Variants in DNASE1 observed in about 807,000 individuals in gnomAD.
DNASE1 encodes deoxyribonuclease-1.
Under a neutral mutation model 33.9 loss-of-function variants are expected in DNASE1, and 40 were observed. The ratio of observed to expected loss-of-function variants is 1.18; its 90% CI spans 0.92 to 1.54. The LOEUF is 1.54. DNASE1 is among the 40% of genes most tolerant of loss of function. The pLI is 0.00. For missense variants in DNASE1, 518 were observed against 372.6 expected (o/e 1.39, Z -3.21); for synonymous variants, 216 against 160.0 (o/e 1.35, Z -2.64).
upstream of DNASE1, among the ~76,000 whole-genome samples, chr16:3,638,116 T>A (rs568527824): frequency 2.4e-4 from 36 of 151,146 alleles, no homozygotes; most frequent in Admixed American, 1.6e-3. Context: ...TGTGTGTGTG[T>A]GTGTGTGTGT....
chr16:3,657,281 A>G lies in DNASE1; in HGVS notation c.644A>G (p.Gln215Arg), dbSNP rs2042727922. 1.2e-6 allele frequency: 2 copies of G among 1,613,862 alleles called. No individual in the cohort carries two copies. ...SIRLWTSPTFQWLIPDSADTT... is the reference protein window; with the variant it reads ...SIRLWTSPTFRWLIPDSADTT... ...CGCCTGTGGACAAGCCCCACCTTCC[A>G]GTGGCTGATCCCCGACAGCGCTGAC... The change falls in exon 7 of 9, where the codon CAG becomes CGG. Residue 215 changes from glutamine (Q) to arginine (R), a missense_variant. Gln to Arg is a conservative substitution (Grantham distance 43). Transcript: ENST00000246949.
At chr16:3,617,377 A>G (rs1007738637) in intron 1 of DNASE1, among the ~76,000 whole-genome samples, 2 of 149,620 alleles carry the variant, frequency 1.3e-5, no homozygotes, top group Non-Finnish European at 3.0e-5. Flanking sequence ...GTAAATCTTT[A>G]TGACCTTGGA....
chr16:3,649,280 C>T (rs770320353), intron 1 of DNASE1, among the ~76,000 whole-genome samples: 9 of 152,182 alleles, frequency 5.9e-5, no homozygotes, highest in East Asian at 1.9e-4. Flanking sequence ...CTAAAGAGAG[C>T]CTTCTCGAGC....
chr16:3,619,519 G>A (rs1352177322), intron 1 of DNASE1, among the ~76,000 whole-genome samples: 3 of 151,576 alleles, frequency 2.0e-5, no homozygotes, highest in African/African-American at 4.8e-5. Context: ...CCGCCACCAC[G>A]CCTAGCTCCA....
chr16:3,635,229 A>G (rs2041831431), intron 1 of DNASE1, among the ~76,000 whole-genome samples: 4 of 152,076 alleles, frequency 2.6e-5, no homozygotes, highest in Admixed American at 2.6e-4. Context: ...AGGCTGAGGC[A>G]GATGGATCGC....
intron 1 of DNASE1, among the ~76,000 whole-genome samples, chr16:3,647,859 A>ATT (rs200018796): frequency 2.0e-5 from 3 of 149,054 alleles, no homozygotes; most frequent in East Asian, 2.0e-4. Context: ...AAAAAGAACA[A>ATT]TTTTTTTTTT....
At chr16:3,656,863 G>A in intron 5 of DNASE1, 110 bp downstream of exon 5, 3 of 1,543,234 alleles carry the variant, frequency 1.9e-6, no homozygotes, top group Non-Finnish European at 1.7e-6. Flanking sequence ...AGTCCCTGGG[G>A]CTTGGGTTTT....
At chr16:3,622,501 A>G (rs2041358356) in intron 1 of DNASE1, among the ~76,000 whole-genome samples, 1 of 152,230 alleles carries the variant, frequency 6.6e-6, no homozygotes, top group African/African-American at 2.4e-5. Flanking sequence ...ATTGGTTTGT[A>G]AGATTATGTG....
intron 1 of DNASE1, among the ~76,000 whole-genome samples, chr16:3,617,230 G>T (rs1396772299): frequency 6.7e-6 from 1 of 150,020 alleles, no homozygotes; most frequent in Non-Finnish European, 1.5e-5. Context: ...GGAGGCTGAG[G>T]CAGGAGAATC....
In DNASE1 at chr16:3,655,831, C is replaced by T; in HGVS notation, c.148-18C>T. 1 of 1,613,140 alleles carries T rather than the reference C, an allele frequency of 6.2e-7. No individual in the cohort carries two copies. The highest frequency in any genetic ancestry group is 1.1e-5 in the South Asian group (1 of 91,082). Reference sequence around the variant, plus strand: ...GTGGCACCAGCCCTGCTCAGCACCACTGTGGCCCTGCCCCCAGATCCTGAG... The same window carrying T: ...GTGGCACCAGCCCTGCTCAGCACCATTGTGGCCCTGCCCCCAGATCCTGAG... On this transcript the variant is annotated intron_variant, in intron 2 of 8. Transcript: ENST00000246949.
chr16:3,662,995 C>A, downstream of DNASE1: 1 of 1,558,662 alleles, frequency 6.4e-7, no homozygotes, highest in Non-Finnish European at 8.7e-7. Flanking sequence ...ACAGGGAGCT[C>A]AGGCCTGCAT....
At chr16:3,663,314 C>A in exon 10 of DNASE1, 2 of 1,454,452 alleles carry the variant, frequency 1.4e-6, no homozygotes, top group Non-Finnish European at 1.9e-6. Context: ...TCGGGGGTGG[C>A]TGAGCCCAGG....
intron 1 of DNASE1, among the ~76,000 whole-genome samples, chr16:3,648,193 T>C (rs957670754): frequency 8.5e-5 from 13 of 152,202 alleles, no homozygotes; most frequent in South Asian, 6.2e-4. Context: ...CCAGGTGTGA[T>C]GGCACATGGC....
At chr16:3,655,709 C>T in intron 2 of DNASE1, 140 bp from the exon 3 acceptor site, 2 of 1,376,028 alleles carry the variant, frequency 1.5e-6, no homozygotes, top group Non-Finnish European at 2.0e-6. Flanking sequence ...CCCTGGCTGG[C>T]AGCAGGAGCC....
At chr16:3,664,685 G>A (rs2151243881) in exon 10 of DNASE1, 1 of 531,882 alleles carries the variant, frequency 1.9e-6, no homozygotes, top group Non-Finnish European at 3.3e-6. Flanking sequence ...CCTGCCCCAG[G>A]TGGCCCAGGG....
upstream of DNASE1, among the ~76,000 whole-genome samples, chr16:3,642,659 G>A (rs537289817): frequency 4.6e-5 from 7 of 152,336 alleles, no homozygotes; most frequent in African/African-American, 1.7e-4. Context: ...GTGATTCGTG[G>A]TGAGGAATAG....
At chr16:3,648,152 G>A (rs1317448866) in intron 1 of DNASE1, among the ~76,000 whole-genome samples, 1 of 152,162 alleles carries the variant, frequency 6.6e-6, no homozygotes, top group Non-Finnish European at 1.5e-5. Flanking sequence ...ATGGGCAACA[G>A]AGCAAGAACC....
exon 10 of DNASE1, chr16:3,663,267 T>C: frequency 1.0e-6 from 1 of 963,216 alleles, no homozygotes. Flanking sequence ...AGGAGGCACC[T>C]TCCTCCAGTC....
chr16:3,620,927 A>T (rs968732923), intron 1 of DNASE1, among the ~76,000 whole-genome samples: 12 of 152,022 alleles, frequency 7.9e-5, no homozygotes, highest in African/African-American at 2.9e-4. Flanking sequence ...CAGCCTCCGG[A>T]GTAGCTGGGA....
Sources: gnomAD v4.1 joint callset for allele counts (sites outside exome capture counted in the v4.1 genomes callset) on GRCh38, gnomAD v4.1.1 for gene constraint, MANE v1.5 for transcripts, NCBI Gene and HGNC (gene_info 2026-07-23, HGNC 2026-07-21) for gene names.